Variants in GTF3C1 observed in about 807,000 individuals in gnomAD.
GTF3C1 encodes general transcription factor 3C polypeptide 1.
GTF3C1 carries 57 observed loss-of-function variants against 226.7 expected under a neutral mutation model. That is an observed-to-expected ratio of 0.25 (90% CI 0.20 to 0.31). GTF3C1 has a LOEUF of 0.31. Among genes scored for constraint, GTF3C1 ranks in the 10% least tolerant of loss-of-function variants. The pLI is 1.00. For synonymous variants in GTF3C1, 1,090 were observed against 1,084.8 expected (o/e 1.00, Z -0.09); for missense variants, 2,217 against 2,776.1 (o/e 0.80, Z 4.53).
In GTF3C1 at chr16:27,494,127, T is replaced by C. The variant is rs1242117973; in HGVS notation, c.2778+636A>G. Among the ~76,000 whole-genome samples the C allele has an allele frequency of 5.3e-5, 8 of 152,180 alleles. No homozygotes were observed. In the East Asian group the frequency reaches 1.5e-3, roughly 29 times the overall value. ...CTAAAAACAACATGTTTTGGTCGGGTGCAATGGCTCACGCCTGTAATCCCA... is the reference window on the plus strand; with the variant it reads ...CTAAAAACAACATGTTTTGGTCGGGCGCAATGGCTCACGCCTGTAATCCCA... On this transcript the variant is annotated intron_variant, in intron 16 of 36. Transcript: ENST00000356183.
rs751660998 is a variant in GTF3C1, at chr16:27,481,234, T to G, written c.4084-43A>C. 4.5e-6 allele frequency: 7 copies of G among 1,550,804 alleles called. No individual in the cohort carries two copies. The East Asian group carries it at 9.0e-5, about 20-fold the overall frequency. ...TGAGAGGTTAAGCCCTTACTCTTCC[T>G]AAAGGGAGGTTTTGCTAAGATGCAC... On this transcript the variant is annotated intron_variant, in intron 26 of 36. Coordinates refer to ENST00000356183, the MANE Select transcript of GTF3C1 (RefSeq NM_001520.4).
chr16:27,506,370 A>C (rs2088485210), intron 9 of GTF3C1, among the ~76,000 whole-genome samples: 1 of 152,086 alleles, frequency 6.6e-6, no homozygotes, highest in Non-Finnish European at 1.5e-5. Flanking sequence ...GTATTGCAGG[A>C]TGTTAAACAG....
chr16:27,509,225 T>C (rs1567403659), intron 7 of GTF3C1, among the ~76,000 whole-genome samples: 1 of 152,166 alleles, frequency 6.6e-6, no homozygotes, highest in Non-Finnish European at 1.5e-5. Context: ...CGCAGACCAC[T>C]GGCCCCCGCT....
At chr16:27,493,422 C>G in intron 16 of GTF3C1, 126 bp from the exon 17 acceptor site, 1 of 640,152 alleles carries the variant, frequency 1.6e-6, no homozygotes. Flanking sequence ...GGCTCTCCTT[C>G]CTGCCCCACC....
At chr16:27,480,201 CAAAAAAAAAAAAA>C (rs35428757) in intron 27 of GTF3C1, among the ~76,000 whole-genome samples, 5 of 61,012 alleles carry the variant, frequency 8.2e-5, no homozygotes, top group South Asian at 7.4e-4. Context: ...GACTCCATCT[CAAAAAAAAAAAAA>C]AAAAAAAAAA....
intron 32 of GTF3C1, among the ~76,000 whole-genome samples, chr16:27,467,873 A>G (rs2087807697): frequency 6.6e-6 from 1 of 152,156 alleles, no homozygotes; most frequent in African/African-American, 2.4e-5. Flanking sequence ...TCTGTCTCAA[A>G]GAAAAAAAAG....
At chr16:27,468,284 G>A (rs2087813331) in intron 32 of GTF3C1, among the ~76,000 whole-genome samples, 1 of 152,178 alleles carries the variant, frequency 6.6e-6, no homozygotes, top group Non-Finnish European at 1.5e-5. Context: ...TGGTAAAGAC[G>A]CTGAGAACAT....
rs915960420 is a variant in GTF3C1 at position 27,463,094 on chromosome 16, A to G, written c.5924+447T>C. 2 of 194,704 alleles carry G rather than the reference A, an allele frequency of 1.0e-5. No homozygotes were observed. Among genetic ancestry groups the G allele is most frequent in the East Asian group, 1.6e-4 (1 of 6,124 alleles). 12.1% of individuals were successfully genotyped at this position (194,704 alleles called of 1,614,324 possible). A position where few individuals can be genotyped will look rare whatever the true frequency, so the allele number is the denominator to read the frequency against. ...CAATCTGGGGTCAGCACACACACTC[A>G]TGGGAGGCGCCCCCACCAGAGGGGC... is the stretch of plus-strand genomic sequence containing the variant. On this transcript the variant is annotated intron_variant, in intron 35 of 36. Coordinates refer to ENST00000356183, the MANE Select transcript of GTF3C1 (RefSeq NM_001520.4). The surrounding 1 kb of genome is among the most constrained non-coding windows in gnomAD (Gnocchi z 4.9).
chr16:27,513,143 G>A (rs962386816), intron 6 of GTF3C1, among the ~76,000 whole-genome samples: 1 of 152,156 alleles, frequency 6.6e-6, no homozygotes, highest in African/African-American at 2.4e-5. Flanking sequence ...TATCTGGGTG[G>A]GCTCAATGTA....
chr16:27,549,618 C>A (rs2089244000), intron 1 of GTF3C1, 52 bp downstream of exon 1: 1 of 842,290 alleles, frequency 1.2e-6, no homozygotes. Flanking sequence ...CTCCATCAGC[C>A]CCCGGGCCCT....
intron 6 of GTF3C1, among the ~76,000 whole-genome samples, chr16:27,521,260 C>G (rs1368973070): frequency 6.6e-6 from 1 of 152,272 alleles, no homozygotes; most frequent in Non-Finnish European, 1.5e-5. Flanking sequence ...TTCGACTCTT[C>G]CTAGCGCAGG....
Position 27,538,172 on chromosome 16 carries a change from C to A in GTF3C1, c.608+8G>T, listed in dbSNP as rs776714165. On this transcript the variant is annotated splice_region_variant and intron_variant, in intron 3 of 36. Coordinates refer to ENST00000356183, the MANE Select transcript of GTF3C1 (RefSeq NM_001520.4). ...ATTTAAAGCAGAGAAGCAAATCCCC[C>A]CACTTACTTGAAAGCAGTGGTGTGA... The A allele has an allele frequency of 6.5e-7, 1 of 1,532,632 alleles. No homozygotes were observed. Among genetic ancestry groups the A allele is most frequent in the Non-Finnish European group, 8.8e-7 (1 of 1,136,284 alleles). 94.9% of individuals were successfully genotyped at this position (1,532,632 alleles called of 1,614,324 possible).
chr16:27,469,159 G>A lies in GTF3C1; in HGVS notation c.5074+132C>T, dbSNP rs1238987865. ...TGAGTTGGCTGCAAGGATGGGGTGT[G>A]TTTTTCTGTGTGTTCTGTGGCTGCA... On this transcript the variant is annotated intron_variant, in intron 32 of 36. Coordinates refer to ENST00000356183, the MANE Select transcript of GTF3C1 (RefSeq NM_001520.4). The surrounding 1 kb of genome is among the most constrained non-coding windows in gnomAD (Gnocchi z 4.5). The A allele has an allele frequency of 1.1e-6, 1 of 934,140 alleles. No individual in the cohort carries two copies. Among genetic ancestry groups the A allele is most frequent in the Non-Finnish European group, 1.6e-6 (1 of 638,996 alleles). The allele number at this position is 934,140 out of a possible 1,614,324, so 57.9% of individuals were successfully genotyped here. A position where few individuals can be genotyped will look rare whatever the true frequency, so the allele number is the denominator to read the frequency against.
chr16:27,498,533 C>A, intron 13 of GTF3C1, 97 bp downstream of exon 13: 1 of 754,384 alleles, frequency 1.3e-6, no homozygotes, highest in Admixed American at 1.8e-5. Flanking sequence ...TTCACTGATC[C>A]ATGCAGGTAT....
intron 6 of GTF3C1, among the ~76,000 whole-genome samples, chr16:27,522,293 T>C (rs759353793): frequency 1.3e-5 from 2 of 152,224 alleles, no homozygotes; most frequent in Non-Finnish European, 2.9e-5. Flanking sequence ...CTCACTAATC[T>C]ACTTCCAGAT....
chr16:27,462,595 C>A lies in GTF3C1; in HGVS notation c.5925-109G>T. The A allele has an allele frequency of 1.4e-6, 1 of 738,246 alleles. No homozygotes were observed. Among genetic ancestry groups the A allele is most frequent in the Non-Finnish European group, 2.3e-6 (1 of 438,374 alleles). 45.7% of individuals were successfully genotyped at this position (738,246 alleles called of 1,614,324 possible). ...CCTAGGCCTGGCCCAGGTCACAGGG[C>A]TGAGACCAGCCACCTCTTGCTCTCT... On this transcript the variant is annotated intron_variant, in intron 35 of 36. Coordinates refer to ENST00000356183, the MANE Select transcript of GTF3C1 (RefSeq NM_001520.4). This position sits in a 1 kb window ranked among gnomAD's most constrained non-coding sequence, Gnocchi z 4.5.
rs776580500 is a variant in GTF3C1 at position 27,461,409 on chromosome 16, G to A, written c.6271C>T (p.Leu2091Phe). 25 of 1,613,902 alleles carry A rather than the reference G, an allele frequency of 1.5e-5. No individual in the cohort carries two copies. In the East Asian group the frequency reaches 2.0e-4, roughly 13 times the overall value. ...TGGGGGAACACACGGCCCAGCCGGA[G>A]GGTACAGTCCAAGGTGGGCTCATAG... is the stretch of plus-strand genomic sequence containing the variant. Reference protein sequence around the residue: ...AFYEPTLDCTLRLGRVFPHEV... With the variant: ...AFYEPTLDCTFRLGRVFPHEV... The change falls in exon 37 of 37, where the codon CTC (leucine) becomes TTC (phenylalanine). Residue 2091 changes from leucine (L) to phenylalanine (F), a missense_variant. By Grantham distance (22) the Leu-to-Phe change is conservative. Around this residue, in one of 12 missense-constraint regions of GTF3C1, gnomAD observed 153 missense variants for 199.8 expected, o/e 0.77. Transcript: ENST00000356183. The surrounding 1 kb of genome is among the most constrained non-coding windows in gnomAD (Gnocchi z 5.3).
At chr16:27,525,181 G>GA (rs1305530002) in intron 6 of GTF3C1, among the ~76,000 whole-genome samples, 1 of 114,536 alleles carries the variant, frequency 8.7e-6, no homozygotes, top group African/African-American at 3.9e-5. Context: ...AGAAAAGAAA[G>GA]AAATAAAAGA....
At chr16:27,526,543 G>A (rs1050912944) in intron 6 of GTF3C1, among the ~76,000 whole-genome samples, 20 of 152,276 alleles carry the variant, frequency 1.3e-4, no homozygotes, top group Non-Finnish European at 1.8e-4. Flanking sequence ...CCATACTTAC[G>A]CTTTCAAAGG....
Sources: allele counts gnomAD v4.1 joint callset (sites outside exome capture counted in the v4.1 genomes callset), GRCh38; gene constraint gnomAD v4.1.1; regional missense constraint gnomAD v4.1.1; non-coding constraint Gnocchi (gnomAD v3.1); transcripts MANE v1.5; gene names NCBI Gene and HGNC (gene_info 2026-07-23, HGNC 2026-07-21).